HSPA4L: variants seen among roughly 807,000 people sequenced by gnomAD.
The protein encoded by HSPA4L is heat shock protein family A (Hsp70) member 4 like.
In HSPA4L, 48 loss-of-function variants were observed where a neutral mutation model predicts 100.3. The observed-to-expected ratio is 0.48, with a 90% CI of 0.38 to 0.61. The LOEUF (loss-of-function observed/expected upper bound fraction) is 0.61, where lower values mean the gene tolerates loss of function less well. Among genes scored for constraint, HSPA4L ranks in the 20% least tolerant of loss-of-function variants. HSPA4L has a pLI of 0.00. For synonymous variants in HSPA4L, 319 were observed against 328.2 expected, an observed-to-expected ratio of 0.97 and a Z score of 0.30; for missense variants, 886 against 988.6, an observed-to-expected ratio of 0.90 and a Z score of 1.39.
intron 1 of HSPA4L, among the ~76,000 whole-genome samples, chr4:127,785,684 G>A (rs1157827572): frequency 2.0e-5 from 3 of 151,954 alleles, no homozygotes; most frequent in South Asian, 4.1e-4. Context: ...TGATCCACCC[G>A]CCTCGGCCTC....
intron 5 of HSPA4L, 57 bp downstream of exon 5, chr4:127,801,294 C>T: frequency 1.6e-6 from 2 of 1,241,428 alleles, no homozygotes. Flanking sequence ...TAGTTTTTTT[C>T]TAATTATTAA....
rs951993775 is a variant in HSPA4L at position 127,839,130 on chromosome 4, T to C, written c.*6256T>C. The C allele has an allele frequency of 2.0e-5, 3 of 152,208 alleles. No homozygotes were observed. Among genetic ancestry groups the C allele is most frequent in the East Asian group, 1.9e-4 (1 of 5,198 alleles). 9.4% of individuals were successfully genotyped at this position (152,208 alleles called of 1,614,324 possible). ...AATAACAAGGGTCAGAAATTCAAAATAGCTGTTAGACACCTTTGATTCTTT... is the reference window on the plus strand; with the variant it reads ...AATAACAAGGGTCAGAAATTCAAAACAGCTGTTAGACACCTTTGATTCTTT... On this transcript the variant is annotated 3_prime_UTR_variant, in exon 19 of 19. Coordinates refer to ENST00000296464, the MANE Select transcript of HSPA4L (RefSeq NM_014278.4).
chr4:127,798,587 G>C lies in HSPA4L; in HGVS notation c.307G>C (p.Val103Leu), dbSNP rs763228055. Reference sequence around the variant, plus strand: ...TAAATATCCCAACTTTTGGTGTTAGGTGCGGTACTTAGAGGAAGAGAGACC... The same window carrying C: ...TAAATATCCCAACTTTTGGTGTTAGCTGCGGTACTTAGAGGAAGAGAGACC... ...KMPNGSAGVK[V>L]RYLEEERPFA... Residue 103 changes from valine to leucine, a missense_variant and splice_region_variant, in exon 4 of 19, where the codon GTG becomes CTG. By Grantham distance (32) the Val-to-Leu change is conservative (BLOSUM62 1). Transcript: ENST00000296464. 6.2e-7 allele frequency: 1 copy of C among 1,613,320 alleles called. No homozygotes were observed. Among genetic ancestry groups the C allele is most frequent in the African/African-American group, 1.3e-5 (1 of 75,006 alleles).
At position 127,782,567 on chromosome 4, in the gene HSPA4L, T is replaced by C. The variant is rs760673361; in HGVS notation, c.17T>C (p.Ile6Thr). 3 of 1,614,052 alleles carry C rather than the reference T, an allele frequency of 1.9e-6. No homozygotes were observed. The highest frequency in any genetic ancestry group is 8.5e-7 in the Non-Finnish European group (1 of 1,179,984). The change falls in exon 1 of 19, where the codon ATT becomes ACT. Residue 6 changes from isoleucine to threonine, a missense_variant. Transcript: ENST00000296464. MSVVG[I>T]DLGFLNCYIA... ...CGCGGCGGGATGTCTGTGGTTGGCA[T>C]TGACCTCGGCTTTCTCAACTGCTAC... is the stretch of plus-strand genomic sequence containing the variant.
rs1553933234 is a variant in HSPA4L at position 127,804,630 on chromosome 4, C to CACACAG, written c.986-438_986-437insGACACA. On this transcript the variant is annotated intron_variant, in intron 8 of 18. Coordinates refer to ENST00000296464, the MANE Select transcript of HSPA4L (RefSeq NM_014278.4). ...CAAAACACACACACACACACACACA[C>CACACAG]ACACACACACACACACACTCATGCT... Among the ~76,000 whole-genome samples the CACACAG allele has an allele frequency of 3.7e-3, 564 of 151,650 alleles. 4 individuals are homozygous for CACACAG. Among genetic ancestry groups the CACACAG allele is most frequent in the African/African-American group, 0.013 (544 of 41,294 alleles).
Position 127,808,131 on chromosome 4 carries a change from T to A in HSPA4L, c.1378+2T>A. ...TGCCTTATCCTGATGCAAGAATTGG[T>A]AAGATAAAAAAAAGTTCTCCATAAC... On this transcript the variant is annotated splice_donor_variant, in intron 11 of 18. Transcript: ENST00000296464. LOFTEE classifies it high-confidence loss of function. The A allele has an allele frequency of 6.3e-7, 1 of 1,583,388 alleles. No homozygotes were observed. Among genetic ancestry groups the A allele is most frequent in the Admixed American group, 2.0e-5 (1 of 50,246 alleles).
chr4:127,781,941 A>G (rs1732562923), upstream of HSPA4L: 1 of 406,744 alleles, frequency 2.5e-6, no homozygotes, highest in Non-Finnish European at 5.0e-6. Flanking sequence ...TCCGGTTGCC[A>G]AAACAACCCA....
chr4:127,826,172 C>CAAGGCAGGAGAATCACTTG (rs1733945170), intron 16 of HSPA4L, among the ~76,000 whole-genome samples: 1 of 151,758 alleles, frequency 6.6e-6, no homozygotes, highest in African/African-American at 2.4e-5. Context: ...TTTGAGTGGC[C>CAAGGCAGGAGAATCACTTG]AAGGCAGGAG....
intron 4 of HSPA4L, among the ~76,000 whole-genome samples, chr4:127,800,737 C>A (rs1429285318): frequency 6.6e-6 from 1 of 152,090 alleles, no homozygotes. Context: ...TTCAGATCTA[C>A]CTGATTCTTT....
At chr4:127,782,082 G>C (rs938411605), upstream of HSPA4L, 3 of 455,306 alleles carry the variant, frequency 6.6e-6, no homozygotes, top group Admixed American at 7.1e-5. Context: ...TCCTTTCCCC[G>C]ATCCTCCCCG....
At chr4:127,809,447 TC>T in intron 11 of HSPA4L, 1 of 1,208,562 alleles carries the variant, frequency 8.3e-7, no homozygotes, top group Non-Finnish European at 1.2e-6. Context: ...ACCTGATTCT[TC>T]CTGTTTTACC....
At chr4:127,824,473 C>G (rs1426848910) in intron 16 of HSPA4L, among the ~76,000 whole-genome samples, 1 of 152,062 alleles carries the variant, frequency 6.6e-6, no homozygotes, top group Non-Finnish European at 1.5e-5. Flanking sequence ...GCCAGCAATG[C>G]TATATAATTG....
Position 127,818,350 on chromosome 4 carries a change from A to C in HSPA4L, c.1604A>C (p.Glu535Ala), listed in dbSNP as rs781063688. The C allele has an allele frequency of 6.2e-6, 10 of 1,611,716 alleles. No homozygotes were observed. The East Asian group carries it at 2.2e-4, about 36-fold the overall frequency. Residue 535 changes from glutamate (E) to alanine (A), a missense_variant, in exon 13 of 19, where the codon GAA becomes GCA. Glu to Ala is a moderately radical substitution (Grantham distance 107). Transcript: ENST00000296464. ...NMDKMQVDQE[E>A]GHQKCHAEHT... ...GATAAAATGCAGGTTGATCAAGAAG[A>C]AGGGCATCAAAAATGTCATGCTGAA...
chr4:127,814,866 G>T (rs1733632438), intron 12 of HSPA4L, among the ~76,000 whole-genome samples: 1 of 152,104 alleles, frequency 6.6e-6, no homozygotes. Flanking sequence ...TGCCCGGCCT[G>T]TGCACTTTTT....
intron 17 of HSPA4L, among the ~76,000 whole-genome samples, chr4:127,829,392 CT>C (rs113670847): frequency 2.3e-4 from 34 of 145,282 alleles, no homozygotes; most frequent in African/African-American, 7.1e-4. Flanking sequence ...TAACATTTGG[CT>C]TTTTTTTTTA....
At chr4:127,788,929 G>A (rs911283544) in intron 1 of HSPA4L, among the ~76,000 whole-genome samples, 1 of 152,230 alleles carries the variant, frequency 6.6e-6, no homozygotes, top group African/African-American at 2.4e-5. Context: ...AATGATAGCA[G>A]AGGGTAAAGA....
At chr4:127,831,856 CT>C (rs779775174) in intron 18 of HSPA4L, among the ~76,000 whole-genome samples, 3 of 149,506 alleles carry the variant, frequency 2.0e-5, no homozygotes, top group South Asian at 2.1e-4. Context: ...GATTTTTTTT[CT>C]TTTTTTTTAA....
At chr4:127,831,735 C>T (rs543302736) in intron 18 of HSPA4L, among the ~76,000 whole-genome samples, 1 of 151,816 alleles carries the variant, frequency 6.6e-6, no homozygotes, top group East Asian at 2.0e-4. Context: ...TATGTGTATG[C>T]CTGAACATAC....
At chr4:127,818,555 A>G in intron 13 of HSPA4L, 135 bp downstream of exon 13, 1 of 505,728 alleles carries the variant, frequency 2.0e-6, no homozygotes, top group Non-Finnish European at 3.5e-6. Context: ...TGATAGCCAG[A>G]ATAAATATAC....
Sources: gnomAD v4.1 joint callset for allele counts (sites outside exome capture counted in the v4.1 genomes callset) on GRCh38, gnomAD v4.1.1 for gene constraint, MANE v1.5 for transcripts, NCBI Gene and HGNC (gene_info 2026-07-23, HGNC 2026-07-21) for gene names.